The following CR1L variants were observed in gnomAD, a reference collection of about 807,000 sequenced individuals.
CR1L encodes the protein complement C3b/C4b receptor 1 like, also known as complement component receptor 1-like protein.
CR1L carries 59 observed loss-of-function variants against 62.3 expected under a neutral mutation model. The observed-to-expected ratio is 0.95, with a 90% CI of 0.77 to 1.18. CR1L has a LOEUF of 1.18. Among genes scored for constraint, CR1L ranks in the 50% most tolerant of loss-of-function variants. The pLI, the probability that CR1L is intolerant of heterozygous loss-of-function variation, is 0.00. For missense variants in CR1L, 700 were observed against 702.8 expected, an observed-to-expected ratio of 1.00 and a Z score of 0.04; for synonymous variants, 279 against 248.7, an observed-to-expected ratio of 1.12 and a Z score of -1.15.
At chr1:207,699,323 T>C (rs1329371008) in intron 8 of CR1L, 49 bp downstream of exon 8, 6 of 1,608,242 alleles carry the variant, frequency 3.7e-6, no homozygotes, top group Non-Finnish European at 5.1e-6. Flanking sequence ...CTTCATCTGT[T>C]CAGTATTTGA....
chr1:207,690,062 T>G (rs1344564733), intron 4 of CR1L, among the ~76,000 whole-genome samples: 2 of 152,076 alleles, frequency 1.3e-5, no homozygotes, highest in Non-Finnish European at 2.9e-5. Context: ...TATAAACTAC[T>G]TTTAACTTTC....
Position 207,723,700 on chromosome 1 carries a change from T to G in CR1L, c.*15T>G. On this transcript the variant is annotated 3_prime_UTR_variant, in exon 12 of 12. Coordinates refer to ENST00000508064, the MANE Select transcript of CR1L (RefSeq NM_175710.2). ...GTCATCTTTAACAGTAAGTACCTAC[T>G]TATAATGAATGCAATGTAGAAAGAG... is the stretch of plus-strand genomic sequence containing the variant. The G allele has an allele frequency of 6.7e-7, 1 of 1,499,700 alleles. No homozygotes were observed. 92.9% of individuals were successfully genotyped at this position (1,499,700 alleles called of 1,614,324 possible).
chr1:207,696,753 G>A (rs1664106050), intron 5 of CR1L, among the ~76,000 whole-genome samples: 1 of 152,150 alleles, frequency 6.6e-6, no homozygotes, highest in African/African-American at 2.4e-5. Flanking sequence ...ATTTAGTTGA[G>A]ACCTAAATGT....
intron 9 of CR1L, among the ~76,000 whole-genome samples, chr1:207,704,877 G>A (rs1664245528): frequency 6.6e-6 from 1 of 152,138 alleles, no homozygotes; most frequent in Non-Finnish European, 1.5e-5. Context: ...TTATTGTGGT[G>A]TTCTGGAACT....
At chr1:207,695,100 A>C (rs1009029300) in intron 5 of CR1L, among the ~76,000 whole-genome samples, 3 of 152,166 alleles carry the variant, frequency 2.0e-5, no homozygotes, top group Admixed American at 1.3e-4. Flanking sequence ...CAAAGTTATT[A>C]GGTAGTTACC....
chr1:207,695,782 A>G (rs1349203042), intron 5 of CR1L, among the ~76,000 whole-genome samples: 9 of 152,176 alleles, frequency 5.9e-5, no homozygotes, highest in Non-Finnish European at 1.0e-4. Flanking sequence ...AAGCATGTAT[A>G]TTTTCATATG....
intron 1 of CR1L, among the ~76,000 whole-genome samples, chr1:207,656,579 A>G (rs143771531): frequency 2.7e-3 from 410 of 152,314 alleles, no homozygotes; most frequent in African/African-American, 9.2e-3. Context: ...AGGAAGCATG[A>G]TGCTGGCATC....
intron 10 of CR1L, chr1:207,710,728 G>T (rs778857714): frequency 1.2e-6 from 2 of 1,609,666 alleles, no homozygotes; most frequent in Admixed American, 3.3e-5. Flanking sequence ...CCCCCGCACC[G>T]TGTGCAATGC....
intron 1 of CR1L, among the ~76,000 whole-genome samples, chr1:207,669,946 T>C (rs1663585038): frequency 6.6e-6 from 1 of 150,996 alleles, no homozygotes; most frequent in African/African-American, 2.5e-5. Flanking sequence ...CAAACCTGAG[T>C]TCTGGTCCTA....
In CR1L at chr1:207,697,826, A is replaced by G. The variant is rs1397740894; in HGVS notation, c.1095A>G (p.Pro365=). ...TTCCTAATGGCCATGTGCTATTTCC[A>G]CTTAATCTCCAGCTTGGAGCAAAAG... is the stretch of plus-strand genomic sequence containing the variant. The part of the protein sequence containing the change: ...GQLPNGHVLF[P]LNLQLGAKVD... The change falls in exon 7 of 12, where the codon CCA becomes CCG. Residue 365 remains proline, a synonymous_variant. Transcript: ENST00000508064. The G allele has an allele frequency of 1.9e-6, 3 of 1,613,886 alleles. No homozygotes were observed. The highest frequency in any genetic ancestry group is 2.5e-6 in the Non-Finnish European group (3 of 1,179,872).
Position 207,678,324 on chromosome 1 carries a change from T to A in CR1L, c.377+27T>A. The A allele has an allele frequency of 3.2e-6, 5 of 1,572,238 alleles. No individual in the cohort carries two copies. In the South Asian group the frequency reaches 5.6e-5, roughly 17 times the overall value. On this transcript the variant is annotated intron_variant, in intron 3 of 11. Transcript: ENST00000508064. The stretch of plus-strand genomic sequence containing the variant: ...TGAGTTGGCATCTCTTGAACCAACA[T>A]CTCTTGGTTCAAGGGTTCTAACACA...
In CR1L at chr1:207,678,133, C is replaced by T; in HGVS notation, c.278-65C>T. 7 of 1,427,310 alleles carry T rather than the reference C, an allele frequency of 4.9e-6. No homozygotes were observed. In the Admixed American group the frequency reaches 6.8e-5, roughly 14 times the overall value. The allele number at this position is 1,427,310 out of a possible 1,614,324, so 88.4% of individuals were successfully genotyped here. ...CAGTAAGCTATAGGCAGGTTGAGAC[C>T]TTATGTACTAAAAAAAAATTCAGTT... On this transcript the variant is annotated intron_variant, in intron 2 of 11. Transcript: ENST00000508064.
chr1:207,646,902 G>A (rs1663135853), intron 1 of CR1L, among the ~76,000 whole-genome samples: 1 of 152,074 alleles, frequency 6.6e-6, no homozygotes, highest in Non-Finnish European at 1.5e-5. Context: ...ATTGTACGTT[G>A]CATTTCTTCT....
rs6683902 is a variant in CR1L, at chr1:207,708,212, A to G, written c.1363A>G (p.Ile455Val). Reference sequence around the variant, plus strand: ...CATTGGTCACTCATCTGCTGAATGTATCCTCTCGGGCAATACTGCCCATTG... The same window carrying G: ...CATTGGTCACTCATCTGCTGAATGTGTCCTCTCGGGCAATACTGCCCATTG... ...RLIGHSSAEC[I>V]LSGNTAHWSM... Residue 455 changes from isoleucine to valine, a missense_variant, in exon 10 of 12, where the codon ATC becomes GTC. By Grantham distance (29) the Ile-to-Val change is conservative. Transcript: ENST00000508064. The G allele has an allele frequency of 0.59, 944,283 of 1,606,390 alleles. 283,334 individuals are homozygous for G. The highest frequency in any genetic ancestry group is 0.87 in the East Asian group (39,141 of 44,824).
At chr1:207,697,946 G>C (rs779545212) in intron 7 of CR1L, 73 bp downstream of exon 7, 34 of 1,602,302 alleles carry the variant, frequency 2.1e-5, no homozygotes, top group Non-Finnish European at 2.3e-5. Context: ...GGGGAGATTT[G>C]ATGTGGCTTA....
chr1:207,715,313 T>C (rs1459493840), intron 10 of CR1L: 2 of 1,580,734 alleles, frequency 1.3e-6, no homozygotes, highest in East Asian at 2.3e-5. Context: ...TTTCTTTAGG[T>C]TCTGATTAAA....
intron 11 of CR1L, among the ~76,000 whole-genome samples, chr1:207,718,752 C>A (rs188189960): frequency 2.0e-5 from 3 of 152,212 alleles, no homozygotes; most frequent in African/African-American, 7.2e-5. Context: ...GGACTTAGAA[C>A]TTCTGTATGT....
intron 1 of CR1L, among the ~76,000 whole-genome samples, chr1:207,656,291 G>C (rs1663309849): frequency 6.6e-6 from 1 of 152,158 alleles, no homozygotes; most frequent in Non-Finnish European, 1.5e-5. Flanking sequence ...AAGGATGAGA[G>C]TGAAAAAAGA....
At position 207,716,649 on chromosome 1, in the gene CR1L, C is replaced by T. The variant is rs1210815183; in HGVS notation, c.1415-815C>T. On this transcript the variant is annotated intron_variant, in intron 10 of 11. Coordinates refer to ENST00000508064, the MANE Select transcript of CR1L (RefSeq NM_175710.2). ...AACTCAAGTATCCAACAAACTCAAC[C>T]CTTACAGAGACACATAGAGCTGAAA... is the stretch of plus-strand genomic sequence containing the variant. 5.3e-5 allele frequency among the ~76,000 whole-genome samples: 8 copies of T among 151,950 alleles called. No homozygotes were observed. In the South Asian group the frequency reaches 6.2e-4, roughly 12 times the overall value.
Sources: gnomAD v4.1 joint callset for allele counts (sites outside exome capture counted in the v4.1 genomes callset) on GRCh38, gnomAD v4.1.1 for gene constraint, MANE v1.5 for transcripts, NCBI Gene and HGNC (gene_info 2026-07-23, HGNC 2026-07-21) for gene names.